Variants in WDFY4 observed in about 807,000 individuals in gnomAD.
WDFY4 encodes the protein WDFY family member 4.
Under a neutral mutation model 351.9 loss-of-function variants are expected in WDFY4, and 169 were observed. The ratio of observed to expected loss-of-function variants is 0.48; its 90% CI spans 0.42 to 0.55. The LOEUF is 0.55. Ranked by LOEUF, WDFY4 falls within the 20% of genes least tolerant of loss-of-function variation. The pLI is 0.00. For missense variants in WDFY4, 3,803 were observed against 3,935.6 expected (o/e 0.97, Z 0.90); for synonymous variants, 1,622 against 1,574.6 (o/e 1.03, Z -0.71).
Position 48,915,584 on chromosome 10 carries a change from T to G in WDFY4, c.7586+13721T>G, listed in dbSNP as rs377234874. 2.6e-5 allele frequency among the ~76,000 whole-genome samples: 4 copies of G among 152,266 alleles called. No individual in the cohort carries two copies. In the East Asian group the frequency reaches 7.7e-4, roughly 29 times the overall value. ...TTAGAACCCAAGTTGATATAGCACA[T>G]GAATATTGAGCAATCAGGCTGTGTG... On this transcript the variant is annotated intron_variant, in intron 47 of 61. Coordinates refer to ENST00000325239, the MANE Select transcript of WDFY4 (RefSeq NM_001394531.1).
intron 52 of WDFY4, among the ~76,000 whole-genome samples, chr10:48,959,360 C>T (rs1284730357): frequency 6.6e-6 from 1 of 152,212 alleles, no homozygotes; most frequent in Non-Finnish European, 1.5e-5. Context: ...GCTTGCACCA[C>T]TATCACTGTA....
intron 39 of WDFY4, among the ~76,000 whole-genome samples, chr10:48,859,481 T>A (rs2069260057): frequency 6.6e-6 from 1 of 152,212 alleles, no homozygotes; most frequent in Non-Finnish European, 1.5e-5. Flanking sequence ...GACCATGCGA[T>A]TTTCTTCTTT....
intron 39 of WDFY4, among the ~76,000 whole-genome samples, chr10:48,850,403 T>A (rs1589748580): frequency 1.3e-5 from 2 of 152,394 alleles, no homozygotes. Context: ...CTATCATCCA[T>A]TAAGCCCATT....
chr10:48,974,527 A>AAAAAAACAAAAAAAAAAAC, intron 57 of WDFY4, among the ~76,000 whole-genome samples: 2 of 23,148 alleles, frequency 8.6e-5, no homozygotes, highest in South Asian at 1.7e-3. Flanking sequence ...AAAAAAAAAA[A>AAAAAAACAAAAAAAAAAAC]AACAACTCAT....
At chr10:48,914,189 G>C (rs375199003) in intron 47 of WDFY4, 6 of 1,588,964 alleles carry the variant, frequency 3.8e-6, no homozygotes, top group Non-Finnish European at 5.1e-6. Flanking sequence ...GAAGTTTATT[G>C]TTCTGATTGG....
chr10:48,774,783 G>A (rs2065974834), intron 14 of WDFY4, 111 bp downstream of exon 14: 1 of 1,321,610 alleles, frequency 7.6e-7, no homozygotes, highest in Non-Finnish European at 1.1e-6. Context: ...GGAGGGCACG[G>A]CTCTGTCCTG....
intron 57 of WDFY4, 67 bp downstream of exon 57, chr10:48,970,356 C>T: frequency 6.6e-7 from 1 of 1,515,852 alleles, no homozygotes; most frequent in Non-Finnish European, 8.8e-7. Flanking sequence ...GACAAAACCT[C>T]TGCCTGGCAT....
At chr10:48,968,713 C>T (rs1418148345) in intron 55 of WDFY4, 2 of 279,762 alleles carry the variant, frequency 7.1e-6, no homozygotes, top group African/African-American at 4.3e-5. Context: ...ACTTCACCAG[C>T]ATAACCAGAC....
At chr10:48,959,881 T>G (rs1382949352) in intron 53 of WDFY4, 68 bp downstream of exon 53, 5 of 1,433,376 alleles carry the variant, frequency 3.5e-6, no homozygotes, top group Middle Eastern at 2.3e-4. Flanking sequence ...CCACCGAGGC[T>G]TTCTGTCCAA....
At chr10:48,725,282 G>A (rs1002138842) in intron 5 of WDFY4, among the ~76,000 whole-genome samples, 1 of 152,238 alleles carries the variant, frequency 6.6e-6, no homozygotes, top group African/African-American at 2.4e-5. Flanking sequence ...AAGAGCCCAG[G>A]GGGGAGCTGC....
At chr10:48,971,681 G>T (rs1326510990) in intron 57 of WDFY4, among the ~76,000 whole-genome samples, 1 of 152,176 alleles carries the variant, frequency 6.6e-6, no homozygotes, top group Admixed American at 6.5e-5. Context: ...GCCATGCAGG[G>T]CATGGAGGGT....
At chr10:48,826,608 C>T (rs2068020083) in intron 35 of WDFY4, 63 bp from the exon 36 acceptor site, 2 of 1,269,228 alleles carry the variant, frequency 1.6e-6, no homozygotes, top group African/African-American at 3.0e-5. Context: ...TAAACTGGAT[C>T]TGTATCTAAA....
chr10:48,723,664 C>G (rs1268332375), intron 5 of WDFY4, 97 bp downstream of exon 5: 1 of 1,483,556 alleles, frequency 6.7e-7, no homozygotes, highest in African/African-American at 1.4e-5. Context: ...CTTTCTCAGC[C>G]CTGGTTCCTG....
chr10:48,838,426 T>C (rs1231049469), intron 39 of WDFY4, among the ~76,000 whole-genome samples: 1 of 152,152 alleles, frequency 6.6e-6, no homozygotes, highest in Non-Finnish European at 1.5e-5. Context: ...GAAGCAGCTC[T>C]GCCCCAGCAG....
At chr10:48,715,162 T>C (rs1417083561) in intron 2 of WDFY4, among the ~76,000 whole-genome samples, 2 of 152,264 alleles carry the variant, frequency 1.3e-5, no homozygotes, top group East Asian at 3.8e-4. Context: ...TTGTCAGCCC[T>C]GTGAGCACAC....
At chr10:48,964,616 C>T (rs1256663594) in intron 54 of WDFY4, among the ~76,000 whole-genome samples, 1 of 152,166 alleles carries the variant, frequency 6.6e-6, no homozygotes, top group Non-Finnish European at 1.5e-5. Context: ...ATGTTGTCAC[C>T]AGTGTGAGAG....
chr10:48,729,804 C>A (rs1278356118), intron 8 of WDFY4, among the ~76,000 whole-genome samples: 3 of 152,196 alleles, frequency 2.0e-5, no homozygotes, highest in Admixed American at 2.0e-4. Flanking sequence ...CGGAGGCAGC[C>A]TCTACTTCTC....
rs960474657 is a variant in WDFY4 at position 48,774,746 on chromosome 10, G to A, written c.2768+74G>A. On this transcript the variant is annotated intron_variant, in intron 14 of 61. Coordinates refer to ENST00000325239, the MANE Select transcript of WDFY4 (RefSeq NM_001394531.1). The stretch of plus-strand genomic sequence containing the variant: ...TTTGCAGGGCAGGGGTTGCACAATG[G>A]GCAGTGGAGAGACTGCAGGGACAGA... 1.3e-5 allele frequency: 19 copies of A among 1,510,194 alleles called. No homozygotes were observed. The Admixed American group carries it at 2.4e-4, about 19-fold the overall frequency. 93.5% of individuals were successfully genotyped at this position (1,510,194 alleles called of 1,614,324 possible).
In WDFY4 at chr10:48,776,961, T is replaced by C; in HGVS notation, c.3075T>C (p.Phe1025=). The C allele has an allele frequency of 6.4e-7, 1 of 1,552,380 alleles. No individual in the cohort carries two copies. The highest frequency in any genetic ancestry group is 8.7e-7 in the Non-Finnish European group (1 of 1,147,132). ...RAALAPSFVE[F]DMSVEGYGCL... The stretch of plus-strand genomic sequence containing the variant: ...CCCTGGCCCCATCGTTTGTGGAATT[T>C]GACATGTCCGTGGAAGGTTATGGGT... Residue 1025 remains phenylalanine, a synonymous_variant, in exon 16 of 62, where the codon TTT becomes TTC. Coordinates refer to ENST00000325239, the MANE Select transcript of WDFY4 (RefSeq NM_001394531.1).
Sources: gnomAD v4.1 joint callset for allele counts (sites outside exome capture counted in the v4.1 genomes callset) on GRCh38, gnomAD v4.1.1 for gene constraint, MANE v1.5 for transcripts, NCBI Gene and HGNC (gene_info 2026-07-23, HGNC 2026-07-21) for gene names.